Variants in CHN2 observed in about 807,000 individuals in gnomAD.
The protein encoded by CHN2 is beta-chimaerin.
CHN2 carries 35 observed loss-of-function variants against 56.3 expected under a neutral mutation model. The observed-to-expected ratio is 0.62, with a 90% confidence interval of 0.47 to 0.82. The LOEUF is 0.82. CHN2 is among the 40% of genes least tolerant of loss of function. CHN2 has a pLI of 0.00. For synonymous variants in CHN2, 210 were observed against 212.8 expected (o/e 0.99, Z 0.12); for missense variants, 491 against 580.5 (o/e 0.85, Z 1.58).
chr7:29,195,246 T>G, intron 1 of CHN2: 2 of 420,524 alleles, frequency 4.8e-6, no homozygotes, highest in South Asian at 1.1e-4. Flanking sequence ...TTCCGGGGCT[T>G]GGAGTGCAGC....
chr7:29,315,059 G>A (rs920687501), intron 1 of CHN2, among the ~76,000 whole-genome samples: 1 of 151,926 alleles, frequency 6.6e-6, no homozygotes, highest in African/African-American at 2.4e-5. Flanking sequence ...TGAAAATATT[G>A]TATAATATCC....
intron 1 of CHN2, among the ~76,000 whole-genome samples, chr7:29,349,174 G>A (rs577118552): frequency 6.6e-6 from 1 of 151,966 alleles, no homozygotes; most frequent in Non-Finnish European, 1.5e-5. Context: ...TTTTCTTATG[G>A]CACTCTTTAT....
chr7:29,458,570 T>G (rs1784936235), intron 6 of CHN2, among the ~76,000 whole-genome samples: 1 of 152,190 alleles, frequency 6.6e-6, no homozygotes, highest in African/African-American at 2.4e-5. Flanking sequence ...GGAGTTAATG[T>G]GTGTGGAACA....
chr7:29,396,710 C>T (rs1406173081), intron 4 of CHN2: 1 of 148,986 alleles, frequency 6.7e-6, no homozygotes, highest in African/African-American at 2.5e-5. Flanking sequence ...TGTCCCTCCC[C>T]CCACACCCAC....
At chr7:29,445,520 G>T (rs972148436) in intron 6 of CHN2, among the ~76,000 whole-genome samples, 2 of 152,174 alleles carry the variant, frequency 1.3e-5, no homozygotes, top group African/African-American at 4.8e-5. Context: ...AGCCAATTAA[G>T]CAGTAAATGA....
At chr7:29,228,901 C>T (rs984336945) in intron 1 of CHN2, among the ~76,000 whole-genome samples, 3 of 152,248 alleles carry the variant, frequency 2.0e-5, no homozygotes, top group African/African-American at 4.8e-5. Context: ...CCTTCCTGAG[C>T]TCTGCTTTCA....
intron 1 of CHN2, among the ~76,000 whole-genome samples, chr7:29,256,811 A>T (rs1452744978): frequency 2.6e-5 from 4 of 152,016 alleles, no homozygotes; most frequent in African/African-American, 9.7e-5. Flanking sequence ...GGAGGAACCG[A>T]TCGCCCCCCC....
upstream of CHN2, chr7:29,192,578 T>A (rs939812629): frequency 2.6e-5 from 4 of 152,172 alleles, no homozygotes; most frequent in African/African-American, 4.8e-5. Context: ...AAAGCAAAAA[T>A]TTTTCAAACT....
intron 6 of CHN2, among the ~76,000 whole-genome samples, chr7:29,458,044 A>G (rs1298691806): frequency 6.6e-6 from 1 of 152,194 alleles, no homozygotes; most frequent in Admixed American, 6.5e-5. Flanking sequence ...AACAGCTTTC[A>G]TGCATTATAG....
intron 1 of CHN2, among the ~76,000 whole-genome samples, chr7:29,285,009 G>T (rs969998344): frequency 6.6e-6 from 1 of 152,164 alleles, no homozygotes; most frequent in Admixed American, 6.5e-5. Context: ...TTCCTTTGCA[G>T]CAGATGGCCA....
chr7:29,178,741 T>C (rs1336921444), intron 2 of CHN2, among the ~76,000 whole-genome samples: 2 of 152,198 alleles, frequency 1.3e-5, no homozygotes, highest in Admixed American at 6.5e-5. Context: ...TTGGCATTAA[T>C]TAATTAATTT....
chr7:29,412,093 C>T (rs1411643672), intron 6 of CHN2, among the ~76,000 whole-genome samples: 1 of 152,076 alleles, frequency 6.6e-6, no homozygotes, highest in Non-Finnish European at 1.5e-5. Context: ...TCCACACTAC[C>T]CTTCTTTAAA....
intron 1 of CHN2, among the ~76,000 whole-genome samples, chr7:29,348,430 CG>C (rs1562535919): frequency 6.6e-6 from 1 of 152,136 alleles, no homozygotes; most frequent in East Asian, 1.9e-4. Flanking sequence ...ATTATTTCAA[CG>C]GTCTTATTAC....
At chr7:29,225,242 C>T (rs1339183338) in intron 1 of CHN2, among the ~76,000 whole-genome samples, 1 of 152,086 alleles carries the variant, frequency 6.6e-6, no homozygotes, top group Non-Finnish European at 1.5e-5. Context: ...TTGTCTAAAT[C>T]AAGAGGAGGA....
At chr7:29,176,358 G>A (rs1371694213) in intron 2 of CHN2, among the ~76,000 whole-genome samples, 4 of 151,402 alleles carry the variant, frequency 2.6e-5, no homozygotes, top group Non-Finnish European at 5.9e-5. Flanking sequence ...AAACAGAGAG[G>A]AAAAAGAAAA....
intron 12 of CHN2, among the ~76,000 whole-genome samples, chr7:29,510,658 A>G (rs1426100085): frequency 6.6e-6 from 1 of 152,136 alleles, no homozygotes; most frequent in Non-Finnish European, 1.5e-5. Flanking sequence ...CAGAACAAAA[A>G]AGCAAGAGCA....
rs112761629 is a variant in CHN2, at chr7:29,345,869, T to A, written c.50-8756T>A. On this transcript the variant is annotated intron_variant, in intron 1 of 12. Transcript: ENST00000222792. ...TCATCATCTTCAGAAAGTCACTTAC[T>A]TCCCTTGTCTTTGGGGCCCAGCCTC... Among the ~76,000 whole-genome samples, 1,478 of 152,224 alleles carry A rather than the reference T, an allele frequency of 9.7e-3. 25 individuals carry two copies. The highest frequency in any genetic ancestry group is 0.033 in the African/African-American group (1,379 of 41,518).
chr7:29,394,780 C>T (rs773810833), intron 4 of CHN2, among the ~76,000 whole-genome samples: 1 of 152,198 alleles, frequency 6.6e-6, no homozygotes, highest in Non-Finnish European at 1.5e-5. Context: ...TGAAAACCTA[C>T]CATATACACT....
intron 6 of CHN2, among the ~76,000 whole-genome samples, chr7:29,479,014 C>G (rs1786852323): frequency 6.6e-6 from 1 of 152,170 alleles, no homozygotes; most frequent in Admixed American, 6.5e-5. Flanking sequence ...GACTGCCCAT[C>G]TACATAAAGG....
Sources: allele counts gnomAD v4.1 joint callset (sites outside exome capture counted in the v4.1 genomes callset), GRCh38; gene constraint gnomAD v4.1.1; transcripts MANE v1.5; gene names NCBI Gene and HGNC (gene_info 2026-07-23, HGNC 2026-07-21).